BCAS3: variants seen among roughly 807,000 people sequenced by gnomAD.
BCAS3 encodes the protein BCAS3 microtubule associated cell migration factor.
A neutral mutation model predicts 116.1 loss-of-function variants in BCAS3; 53 were observed. The ratio of observed to expected loss-of-function variants is 0.46; its 90% CI spans 0.37 to 0.57. The LOEUF (loss-of-function observed/expected upper bound fraction) is 0.57, where lower values mean the gene tolerates loss of function less well. Among genes scored for constraint, BCAS3 ranks in the 20% least tolerant of loss-of-function variants. The pLI, the probability that BCAS3 is intolerant of heterozygous loss-of-function variation, is 0.00. For missense variants in BCAS3, 917 were observed against 1,165.4 expected, an observed-to-expected ratio of 0.79 and a Z score of 3.10; for synonymous variants, 391 against 408.2, an observed-to-expected ratio of 0.96 and a Z score of 0.51.
At chr17:60,727,274 T>C in intron 5 of BCAS3, 1 of 1,092,798 alleles carries the variant, frequency 9.2e-7, no homozygotes, top group Non-Finnish European at 1.4e-6. Flanking sequence ...CTCAACACAT[T>C]CTGGCCTTAG....
chr17:61,170,715 A>G (rs972785519), intron 22 of BCAS3, among the ~76,000 whole-genome samples: 12 of 152,220 alleles, frequency 7.9e-5, no homozygotes, highest in Admixed American at 2.6e-4. Flanking sequence ...TACATATTGA[A>G]GGAAGGGGAA....
chr17:60,821,002 A>G (rs533982124), intron 7 of BCAS3, among the ~76,000 whole-genome samples: 3 of 152,276 alleles, frequency 2.0e-5, no homozygotes, highest in East Asian at 1.9e-4. Flanking sequence ...GCTGGAGGGC[A>G]GTGGCACAAT....
intron 22 of BCAS3, among the ~76,000 whole-genome samples, chr17:61,182,427 A>G (rs1406737226): frequency 6.6e-6 from 1 of 152,184 alleles, no homozygotes; most frequent in Non-Finnish European, 1.5e-5. Context: ...CCCATCTTCA[A>G]TAATTATCAA....
At chr17:61,201,020 TA>T (rs926755557) in intron 22 of BCAS3, among the ~76,000 whole-genome samples, 57 of 146,018 alleles carry the variant, frequency 3.9e-4, no homozygotes, top group Admixed American at 1.2e-3. Context: ...ATAGTATATA[TA>T]AAAAAAAAAA....
chr17:60,714,533 A>G (rs562653940), intron 5 of BCAS3, among the ~76,000 whole-genome samples: 31 of 152,166 alleles, frequency 2.0e-4, no homozygotes, highest in Non-Finnish European at 1.9e-4. Flanking sequence ...GCCACCTGTA[A>G]TCCCAGCTAC....
At chr17:61,055,003 C>T (rs778610349) in intron 19 of BCAS3, among the ~76,000 whole-genome samples, 7 of 152,252 alleles carry the variant, frequency 4.6e-5, no homozygotes, top group East Asian at 1.9e-4. Context: ...TGCTATCTCA[C>T]GTAAGTTTAA....
At chr17:60,811,574 T>A (rs2048826899) in intron 7 of BCAS3, 5 of 336,962 alleles carry the variant, frequency 1.5e-5, no homozygotes, top group Non-Finnish European at 2.9e-5. Context: ...ATGTTAAATT[T>A]TACAAAGATT....
intron 9 of BCAS3, among the ~76,000 whole-genome samples, chr17:60,888,564 C>T (rs1567797923): frequency 6.6e-6 from 1 of 152,024 alleles, no homozygotes; most frequent in African/African-American, 2.4e-5. Context: ...TGTGTAAATA[C>T]TACACAATTT....
chr17:61,165,807 C>T (rs571100348), intron 22 of BCAS3, among the ~76,000 whole-genome samples: 83 of 152,262 alleles, frequency 5.5e-4, no homozygotes, highest in African/African-American at 1.9e-3. Flanking sequence ...TAATTTCTAG[C>T]GGACTCTTCA....
Position 61,267,219 on chromosome 17 carries a change from A to G in BCAS3, c.2426-101108A>G, listed in dbSNP as rs1041479593. On this transcript the variant is annotated intron_variant, in intron 22 of 23. Transcript: ENST00000407086. ...ACTACAGGCATCTGCCACCATGCCC[A>G]GCTAATTTTTTGTATTTTTAGTAGA... Among the ~76,000 whole-genome samples, 5 of 149,044 alleles carry G rather than the reference A, an allele frequency of 3.4e-5. No individual in the cohort carries two copies. The East Asian group carries it at 5.9e-4, about 18-fold the overall frequency.
intron 4 of BCAS3, among the ~76,000 whole-genome samples, chr17:60,698,515 G>A (rs2035945801): frequency 6.6e-6 from 1 of 152,022 alleles, no homozygotes; most frequent in Non-Finnish European, 1.5e-5. Context: ...GAAATCTGCT[G>A]TATCACCACC....
At chr17:61,015,400 CTT>C (rs2065384969) in intron 15 of BCAS3, among the ~76,000 whole-genome samples, 1 of 152,136 alleles carries the variant, frequency 6.6e-6, no homozygotes, top group Non-Finnish European at 1.5e-5. Flanking sequence ...AAGTAATCCT[CTT>C]GTCTCAGTCT....
intron 22 of BCAS3, among the ~76,000 whole-genome samples, chr17:61,164,297 C>T (rs1238060787): frequency 6.6e-6 from 1 of 151,860 alleles, no homozygotes; most frequent in Non-Finnish European, 1.5e-5. Flanking sequence ...CAATATGTCC[C>T]CAAAGTTCAT....
In BCAS3 at chr17:61,387,678, T is replaced by C. The variant is rs1216117859; in HGVS notation, c.2594-4299T>C. 6.6e-6 allele frequency among the ~76,000 whole-genome samples: 1 copy of C among 152,146 alleles called. No individual in the cohort carries two copies. The highest frequency in any genetic ancestry group is 2.4e-5 in the African/African-American group (1 of 41,420). On this transcript the variant is annotated intron_variant, in intron 23 of 23. Coordinates refer to ENST00000407086, the MANE Select transcript of BCAS3 (RefSeq NM_017679.5). This position sits in a 1 kb window ranked among gnomAD's most constrained non-coding sequence, Gnocchi z 6.2. Reference sequence around the variant, plus strand: ...ATTTCCAATATGAGCCAACAGGGAATGGCTCTCCAGCATGGGCATGGGGGC... The same window carrying C: ...ATTTCCAATATGAGCCAACAGGGAACGGCTCTCCAGCATGGGCATGGGGGC...
At chr17:61,360,667 G>A (rs953068421) in intron 22 of BCAS3, among the ~76,000 whole-genome samples, 1 of 152,158 alleles carries the variant, frequency 6.6e-6, no homozygotes, top group Non-Finnish European at 1.5e-5. Flanking sequence ...ACCAGTCATT[G>A]GATTTAGGAC....
intron 14 of BCAS3, among the ~76,000 whole-genome samples, chr17:60,965,226 A>ATTTT (rs142254431): frequency 1.5e-5 from 2 of 131,556 alleles, no homozygotes; most frequent in Non-Finnish European, 3.2e-5. Flanking sequence ...GGTATATTGA[A>ATTTT]TTTTTTTTTT....
At chr17:60,840,861 A>G (rs1474880161) in intron 7 of BCAS3, among the ~76,000 whole-genome samples, 2 of 152,168 alleles carry the variant, frequency 1.3e-5, no homozygotes, top group East Asian at 3.8e-4. Context: ...GAAAATTAAA[A>G]TAACTTTTGA....
intron 6 of BCAS3, among the ~76,000 whole-genome samples, chr17:60,805,203 C>T (rs766722728): frequency 6.6e-6 from 1 of 151,892 alleles, no homozygotes; most frequent in East Asian, 1.9e-4. Context: ...GTGAATAGTG[C>T]GATGATCCCT....
At chr17:60,978,874 G>T (rs1302296243) in intron 14 of BCAS3, among the ~76,000 whole-genome samples, 1 of 141,498 alleles carries the variant, frequency 7.1e-6, no homozygotes, top group African/African-American at 2.7e-5. Flanking sequence ...CTCTGTTTTG[G>T]TACCAGTACC....
Sources: gnomAD v4.1 joint callset for allele counts (sites outside exome capture counted in the v4.1 genomes callset) on GRCh38, gnomAD v4.1.1 for gene constraint, Gnocchi (gnomAD v3.1) non-coding constraint, MANE v1.5 for transcripts, NCBI Gene and HGNC (gene_info 2026-07-23, HGNC 2026-07-21) for gene names.